The following TFDP2 variants were observed in gnomAD, a reference collection of about 807,000 sequenced individuals.
TFDP2 encodes the protein transcription factor Dp-2 (E2F dimerization partner 2).
Under a neutral mutation model 59.3 loss-of-function variants are expected in TFDP2, and 17 were observed. That is an observed-to-expected ratio of 0.29 (90% confidence interval 0.20 to 0.43). The LOEUF is 0.43. Ranked by LOEUF, TFDP2 falls within the 20% of genes least tolerant of loss-of-function variation. The pLI is 1.00. For synonymous variants in TFDP2, 180 were observed against 194.7 expected (o/e 0.92, Z 0.63); for missense variants, 391 against 528.8 (o/e 0.74, Z 2.56).
chr3:142,010,333 G>A (rs56104495), intron 3 of TFDP2, among the ~76,000 whole-genome samples: 10,828 of 152,152 alleles, frequency 0.071, 479 homozygotes, highest in Non-Finnish European at 0.11. Context: ...CTTTTGGGCC[G>A]GGCGCAGTGG....
Position 142,064,652 on chromosome 3 carries a change from TG to T in TFDP2, c.82+28408del, listed in dbSNP as rs202027724. Reference sequence around the variant, plus strand: ...AGTCATGCTGCTTTTCATATGTAAATGGGTCCCAAATGGACTCACTAAAGGA... The same window carrying T: ...AGTCATGCTGCTTTTCATATGTAAATGGTCCCAAATGGACTCACTAAAGGA... On this transcript the variant is annotated intron_variant, in intron 3 of 12. Coordinates refer to ENST00000489671, the MANE Select transcript of TFDP2 (RefSeq NM_001178139.2). Among the ~76,000 whole-genome samples, 564 of 152,314 alleles carry T rather than the reference TG, an allele frequency of 3.7e-3. 2 individuals carry two copies. Among genetic ancestry groups the T allele is most frequent in the East Asian group, 7.7e-3 (40 of 5,192 alleles).
Position 142,020,629 on chromosome 3 carries a change from T to A in TFDP2, c.83-15085A>T, listed in dbSNP as rs370278685. On this transcript the variant is annotated intron_variant, in intron 3 of 12. Coordinates refer to ENST00000489671, the MANE Select transcript of TFDP2 (RefSeq NM_001178139.2). ...AAATAAAAACAAACTTTGCAGTTAC[T>A]CTGACTTCCTTCATTTTTATGTTTA... is the stretch of plus-strand genomic sequence containing the variant. 9.2e-5 allele frequency among the ~76,000 whole-genome samples: 14 copies of A among 151,726 alleles called. No homozygotes were observed. The East Asian group carries it at 2.1e-3, about 23-fold the overall frequency.
intron 6 of TFDP2, among the ~76,000 whole-genome samples, chr3:141,985,583 GT>G (rs924887296): frequency 3.0e-4 from 45 of 150,406 alleles, no homozygotes; most frequent in African/African-American, 1.0e-3. Context: ...ATGCTTCTGG[GT>G]TACATTTGAC....
intron 1 of TFDP2, among the ~76,000 whole-genome samples, chr3:142,117,072 C>A (rs539417432): frequency 3.6e-4 from 55 of 152,220 alleles, no homozygotes; most frequent in African/African-American, 1.3e-3. Context: ...CAGGTGTGCA[C>A]CACCACCCCT....
intron 1 of TFDP2, among the ~76,000 whole-genome samples, chr3:142,108,389 T>C (rs1273724224): frequency 6.6e-6 from 1 of 152,072 alleles, no homozygotes; most frequent in Admixed American, 6.6e-5. Flanking sequence ...TTCTTATTTT[T>C]AGTAGAGACG....
chr3:142,002,997 C>G (rs1437403012), intron 4 of TFDP2, among the ~76,000 whole-genome samples: 1 of 151,638 alleles, frequency 6.6e-6, no homozygotes, highest in East Asian at 1.9e-4. Flanking sequence ...GGGCAAAGAG[C>G]TCCCTTCAAC....
intron 3 of TFDP2, among the ~76,000 whole-genome samples, chr3:142,051,797 CT>C (rs1947642874): frequency 6.6e-6 from 1 of 152,024 alleles, no homozygotes; most frequent in Non-Finnish European, 1.5e-5. Context: ...AAAAATAAAC[CT>C]TTCCTCTCAT....
chr3:142,014,163 A>G (rs1052261184), intron 3 of TFDP2, among the ~76,000 whole-genome samples: 7 of 152,188 alleles, frequency 4.6e-5, no homozygotes, highest in African/African-American at 1.7e-4. Flanking sequence ...GTTTGTTTTG[A>G]GACAGGATCT....
chr3:142,023,139 A>AAAAAG (rs1560050675), intron 3 of TFDP2, among the ~76,000 whole-genome samples: 1 of 150,594 alleles, frequency 6.6e-6, no homozygotes. Flanking sequence ...AAAAAAAAAA[A>AAAAAG]AAAAGAAAAA....
intron 1 of TFDP2, among the ~76,000 whole-genome samples, chr3:142,110,159 C>G (rs374447471): frequency 6.6e-6 from 1 of 152,122 alleles, no homozygotes; most frequent in African/African-American, 2.4e-5. Context: ...GCTGGGATTA[C>G]AAGCATGAGC....
intron 6 of TFDP2, among the ~76,000 whole-genome samples, chr3:141,984,715 TG>T (rs1349433937): frequency 6.6e-6 from 1 of 152,218 alleles, no homozygotes; most frequent in African/African-American, 2.4e-5. Context: ...CTTTTGGTTT[TG>T]AACTGACTTA....
At chr3:141,952,805 C>T (rs1361824387) in intron 12 of TFDP2, 106 bp downstream of exon 12, 2 of 1,555,926 alleles carry the variant, frequency 1.3e-6, no homozygotes, top group African/African-American at 1.4e-5. Flanking sequence ...CTGCCACAAA[C>T]CTGCTCAGCA....
At chr3:141,970,891 A>G (rs377265704) in intron 8 of TFDP2, among the ~76,000 whole-genome samples, 4 of 151,838 alleles carry the variant, frequency 2.6e-5, no homozygotes, top group African/African-American at 9.7e-5. Flanking sequence ...GCGAAACCCT[A>G]TCTCTACAAA....
intron 6 of TFDP2, among the ~76,000 whole-genome samples, chr3:141,980,945 T>G (rs11705778): frequency 0.074 from 11,322 of 152,278 alleles, 526 homozygotes; most frequent in Non-Finnish European, 0.11. Flanking sequence ...TAACTTATTA[T>G]TGAAGAAGAA....
chr3:141,966,834 T>C (rs1938144980), intron 9 of TFDP2, among the ~76,000 whole-genome samples: 1 of 150,516 alleles, frequency 6.6e-6, no homozygotes, highest in African/African-American at 2.5e-5. Context: ...TAGTTACCTG[T>C]GTCATGTGAC....
intron 3 of TFDP2, among the ~76,000 whole-genome samples, chr3:142,019,650 C>CG (rs1355653601): frequency 6.7e-6 from 1 of 148,838 alleles, no homozygotes; most frequent in Non-Finnish European, 1.5e-5. Context: ...ATTAAACACC[C>CG]CCCCCAACAT....
intron 1 of TFDP2, among the ~76,000 whole-genome samples, chr3:142,139,968 C>T (rs1461014444): frequency 6.6e-6 from 1 of 152,226 alleles, no homozygotes; most frequent in African/African-American, 2.4e-5. Context: ...TGTTTTCCAA[C>T]TTGGTTCCAT....
chr3:142,069,191 G>A (rs1560108784), intron 3 of TFDP2, among the ~76,000 whole-genome samples: 1 of 152,156 alleles, frequency 6.6e-6, no homozygotes, highest in Non-Finnish European at 1.5e-5. Flanking sequence ...TGGGATTACA[G>A]GAGTGAGACA....
intron 9 of TFDP2, among the ~76,000 whole-genome samples, chr3:141,964,822 C>T (rs565402326): frequency 6.6e-6 from 1 of 152,296 alleles, no homozygotes; most frequent in African/African-American, 2.4e-5. Context: ...AGTTTGGAAT[C>T]CAGCCCCAGC....
Sources: gnomAD v4.1 joint callset for allele counts (sites outside exome capture counted in the v4.1 genomes callset) on GRCh38, gnomAD v4.1.1 for gene constraint, MANE v1.5 for transcripts, NCBI Gene and HGNC (gene_info 2026-07-23, HGNC 2026-07-21) for gene names.